DCAF4: variants seen among roughly 807,000 people sequenced by gnomAD.
DCAF4 encodes the protein DDB1- and CUL4-associated factor 4.
Under a neutral mutation model 60.9 loss-of-function variants are expected in DCAF4, and 37 were observed. That is an observed-to-expected ratio of 0.61 (90% CI 0.47 to 0.80). The LOEUF (loss-of-function observed/expected upper bound fraction) is 0.80, where lower values mean the gene tolerates loss of function less well. Among genes scored for constraint, DCAF4 ranks in the 30% least tolerant of loss-of-function variants. DCAF4 has a pLI of 0.00. For synonymous variants in DCAF4, 243 were observed against 254.8 expected (o/e 0.95, Z 0.44); for missense variants, 577 against 650.0 (o/e 0.89, Z 1.22).
intron 1 of DCAF4, among the ~76,000 whole-genome samples, chr14:72,932,862 C>T (rs781144681): frequency 3.3e-5 from 5 of 151,850 alleles, no homozygotes; most frequent in Admixed American, 2.6e-4. Flanking sequence ...AGCCATCACA[C>T]CCAGCTGAAT....
rs1567325200 is a variant in DCAF4, at chr14:72,953,753, ATATATATATAGT to A, written c.809-409_809-398del. Among the ~76,000 whole-genome samples, 2 of 68,080 alleles carry A rather than the reference ATATATATATAGT, an allele frequency of 2.9e-5. 1 individual carries two copies. The highest frequency in any genetic ancestry group is 1.0e-4 in the African/African-American group (2 of 19,630). The allele number at this position is 68,080 out of a possible 152,430, so 44.7% of individuals were successfully genotyped here. A position where few individuals can be genotyped will look rare whatever the true frequency, so the allele number is the denominator to read the frequency against. On this transcript the variant is annotated intron_variant, in intron 9 of 13. Transcript: ENST00000358377. ...AAAAAATATATATATATATATATATATATATATATAGTTTATTTATTTATTTATTTGTGTGTG... is the reference window on the plus strand; with the variant it reads ...AAAAAATATATATATATATATATATATTATTTATTTATTTATTTGTGTGTG...
chr14:72,955,452 G>A, intron 11 of DCAF4, 71 bp from the exon 12 acceptor site: 2 of 1,551,980 alleles, frequency 1.3e-6, no homozygotes, highest in South Asian at 1.2e-5. Context: ...GTTGTATCAG[G>A]AGGACCTGCC....
chr14:72,954,766 T>G (rs770270937), intron 11 of DCAF4, among the ~76,000 whole-genome samples: 14 of 152,270 alleles, frequency 9.2e-5, no homozygotes, highest in Middle Eastern at 6.8e-3. Context: ...ATTTTTAAAA[T>G]GTATAAGCCA....
At chr14:72,937,222 G>A (rs1179913328) in intron 1 of DCAF4, among the ~76,000 whole-genome samples, 8 of 14,832 alleles carry the variant, frequency 5.4e-4, no homozygotes, top group Non-Finnish European at 2.0e-3. Flanking sequence ...TAACATATGG[G>A]GGAACAGATA....
In DCAF4 at chr14:72,931,725, T is replaced by G. The variant is rs184282020; in HGVS notation, c.-9+5182T>G. The stretch of plus-strand genomic sequence containing the variant: ...CTGTTTCTAGTATGTTGAATGTTTT[T>G]TTAATCATGAGAGGATGTTGCATTT... On this transcript the variant is annotated intron_variant, in intron 1 of 13. Coordinates refer to ENST00000358377, the MANE Select transcript of DCAF4 (RefSeq NM_015604.4). Among the ~76,000 whole-genome samples, 140 of 152,320 alleles carry G rather than the reference T, an allele frequency of 9.2e-4. No homozygotes were observed. The Middle Eastern group carries it at 0.014, about 15-fold the overall frequency.
chr14:72,945,217 A>C (rs1465595738), intron 6 of DCAF4, among the ~76,000 whole-genome samples: 1 of 152,014 alleles, frequency 6.6e-6, no homozygotes, highest in Non-Finnish European at 1.5e-5. Context: ...ACATAGCGAG[A>C]CCGTATCTCT....
chr14:72,942,031 T>C (rs1426234697), intron 5 of DCAF4: 4 of 520,252 alleles, frequency 7.7e-6, no homozygotes, highest in African/African-American at 1.9e-5. Flanking sequence ...GGCGGGGGAC[T>C]CTTGCAGGAG....
At position 72,953,766 on chromosome 14, in the gene DCAF4, T is replaced by A. The variant is rs1220793812; in HGVS notation, c.809-398T>A. Among the ~76,000 whole-genome samples, 154 of 28,206 alleles carry A rather than the reference T, an allele frequency of 5.5e-3. 13 individuals are homozygous for A. The highest frequency in any genetic ancestry group is 0.015 in the African/African-American group (142 of 9,502). 18.5% of individuals were successfully genotyped at this position (28,206 alleles called of 152,430 possible). On this transcript the variant is annotated intron_variant, in intron 9 of 13. Coordinates refer to ENST00000358377, the MANE Select transcript of DCAF4 (RefSeq NM_015604.4). ...ATATATATATATATATATATATAGT[T>A]TATTTATTTATTTATTTGTGTGTGT...
chr14:72,947,189 T>G lies in DCAF4; in HGVS notation c.726T>G (p.Ile242Met), dbSNP rs1426155358. The change falls in exon 8 of 14, where the codon ATT (isoleucine) becomes ATG (methionine). Residue 242 changes from isoleucine (I) to methionine (M), a missense_variant and splice_region_variant. Coordinates refer to ENST00000358377, the MANE Select transcript of DCAF4 (RefSeq NM_015604.4). The part of the protein sequence containing the change: ...WASLNHLDSH[I>M]LLCLMGLAET... ...CGCTGAATCACTTGGATTCCCACAT[T>G]CTGTATCCTTTGGCAGAGGAAGAGG... 6.2e-6 allele frequency: 10 copies of G among 1,613,882 alleles called. No individual in the cohort carries two copies. Among genetic ancestry groups the G allele is most frequent in the Non-Finnish European group, 7.6e-6 (9 of 1,179,954 alleles).
At chr14:72,927,605 C>T (rs1165882244) in intron 1 of DCAF4, among the ~76,000 whole-genome samples, 3 of 152,064 alleles carry the variant, frequency 2.0e-5, no homozygotes, top group Admixed American at 6.6e-5. Context: ...CCCGCCTCGG[C>T]CTCCCAAAGT....
chr14:72,954,595 A>G, intron 11 of DCAF4, 112 bp downstream of exon 11: 2 of 1,002,726 alleles, frequency 2.0e-6, no homozygotes, highest in Non-Finnish European at 3.0e-6. Context: ...CAGGGGAGAA[A>G]GAGCATCAGA....
At position 72,952,303 on chromosome 14, in the gene DCAF4, C is replaced by G. The variant is rs143346515; in HGVS notation, c.808+426C>G. 1.2e-4 allele frequency among the ~76,000 whole-genome samples: 19 copies of G among 152,298 alleles called. No individual in the cohort carries two copies. In the East Asian group the frequency reaches 3.7e-3, roughly 29 times the overall value. On this transcript the variant is annotated intron_variant, in intron 9 of 13. Transcript: ENST00000358377. ...TATCAGAAAATTAGGATCAATAAGACCAGGGTGAGAGGCCTCTTAAGAGTG... is the reference window on the plus strand; with the variant it reads ...TATCAGAAAATTAGGATCAATAAGAGCAGGGTGAGAGGCCTCTTAAGAGTG...
chr14:72,937,970 G>A lies in DCAF4; in HGVS notation c.-8-1G>A, dbSNP rs769482493. 1.3e-6 allele frequency: 2 copies of A among 1,588,070 alleles called. No homozygotes were observed. The highest frequency in any genetic ancestry group is 1.7e-6 in the Non-Finnish European group (2 of 1,172,570). ...TGGATTTTTTTGTTTTTCTCTTTTA[G>A]GAACAGAAATGAATAAAAGTCGCTG... On this transcript the variant is annotated splice_acceptor_variant, in intron 1 of 13. Transcript: ENST00000358377. LOFTEE classifies it low-confidence loss of function (5UTR_SPLICE).
intron 12 of DCAF4, among the ~76,000 whole-genome samples, chr14:72,956,184 G>A (rs1892274028): frequency 6.6e-6 from 1 of 152,112 alleles, no homozygotes; most frequent in African/African-American, 2.4e-5. Context: ...GCCTCCCATA[G>A]TGCTGGGATT....
chr14:72,930,563 C>T (rs1311752216), intron 1 of DCAF4, among the ~76,000 whole-genome samples: 2 of 152,168 alleles, frequency 1.3e-5, no homozygotes, highest in African/African-American at 4.8e-5. Context: ...GCCACTGTGT[C>T]CGGCCCTAAA....
rs547199942 is a variant in DCAF4 at position 72,927,343 on chromosome 14, C to CTTT, written c.-9+826_-9+828dup. ...TGGAAATTAGAGTCGCGGTGGTGTT[C>CTTT]TTTTTTTTTTTTTTTTTTTTTTTTT... On this transcript the variant is annotated intron_variant, in intron 1 of 13. Transcript: ENST00000358377. 2.5e-4 allele frequency among the ~76,000 whole-genome samples: 22 copies of CTTT among 87,352 alleles called. 2 individuals are homozygous for CTTT. The highest frequency in any genetic ancestry group is 6.2e-4 in the African/African-American group (14 of 22,690). 57.3% of individuals were successfully genotyped at this position (87,352 alleles called of 152,430 possible).
chr14:72,939,956 G>A (rs975375426), intron 3 of DCAF4, 54 bp downstream of exon 3: 3 of 1,484,664 alleles, frequency 2.0e-6, no homozygotes, highest in Non-Finnish European at 2.7e-6. Flanking sequence ...GGAAGGCTGA[G>A]ACCCGTTCCT....
At chr14:72,943,206 A>T (rs956897563) in intron 6 of DCAF4, 110 bp downstream of exon 6, 3 of 926,014 alleles carry the variant, frequency 3.2e-6, no homozygotes, top group Admixed American at 4.6e-5. Flanking sequence ...AACTGCAATG[A>T]AAGTAGGTGG....
At chr14:72,944,776 A>G (rs1190944830) in intron 6 of DCAF4, among the ~76,000 whole-genome samples, 4 of 151,650 alleles carry the variant, frequency 2.6e-5, no homozygotes, top group East Asian at 1.9e-4. Flanking sequence ...TGGGCAACCA[A>G]TCAAGACTCT....
Sources: allele counts gnomAD v4.1 joint callset (sites outside exome capture counted in the v4.1 genomes callset), GRCh38; gene constraint gnomAD v4.1.1; transcripts MANE v1.5; gene names NCBI Gene and HGNC (gene_info 2026-07-23, HGNC 2026-07-21).